ERAP1: variants seen among roughly 807,000 people sequenced by gnomAD.
ERAP1 encodes the protein adipocyte-derived leucine aminopeptidase.
Under a neutral mutation model 103.7 loss-of-function variants are expected in ERAP1, and 86 were observed. That is an observed-to-expected ratio of 0.83 (90% confidence interval 0.70 to 0.99). The LOEUF (loss-of-function observed/expected upper bound fraction) is 0.99, where lower values mean the gene tolerates loss of function less well. Ranked by LOEUF, ERAP1 falls within the 50% of genes least tolerant of loss-of-function variation. The pLI is 0.00. For synonymous variants in ERAP1, 398 were observed against 402.4 expected (o/e 0.99, Z 0.13); for missense variants, 1,009 against 1,128.4 (o/e 0.89, Z 1.52).
rs1775006877 is a variant in ERAP1, at chr5:96,780,497, G to C, written c.2596C>G (p.Leu866Val). ...NWNKLVQKFE[L>V]GSSSIAHMVM... ...ATGTGGGCTATGGAAGATGAGCCAAGTTCAAACCTAGAGAGGGAAATATTC... is the reference window on the plus strand; with the variant it reads ...ATGTGGGCTATGGAAGATGAGCCAACTTCAAACCTAGAGAGGGAAATATTC... Residue 866 changes from leucine to valine, a missense_variant, in exon 18 of 19, where the codon CTT becomes GTT. By Grantham distance (32) the Leu-to-Val change is conservative (BLOSUM62 1). Coordinates refer to ENST00000443439, the MANE Select transcript of ERAP1 (RefSeq NM_001040458.3). 3.1e-6 allele frequency: 5 copies of C among 1,612,158 alleles called. No individual in the cohort carries two copies. Among genetic ancestry groups the C allele is most frequent in the Non-Finnish European group, 4.2e-6 (5 of 1,178,486 alleles).
chr5:96,884,079 T>A, the ERAP1 span: 921 of 585,340 alleles, frequency 1.6e-3, 6 homozygotes, highest in African/African-American at 0.017. Context: ...TCTATCTATC[T>A]ATCATCATAA....
chr5:96,886,543 G>A, the ERAP1 span: 5 of 875,262 alleles, frequency 5.7e-6, no homozygotes, highest in South Asian at 3.9e-5. Flanking sequence ...GGAGGTCATC[G>A]ATTGTCCTTC....
At chr5:96,886,145 T>C in the ERAP1 span, among the ~76,000 whole-genome samples, 1 of 152,236 alleles carries the variant, frequency 6.6e-6, no homozygotes, top group Admixed American at 6.5e-5. Context: ...TCAGAGTCTC[T>C]GTTTCCTCAC....
chr5:96,923,359 T>C, the ERAP1 span, among the ~76,000 whole-genome samples: 1 of 152,096 alleles, frequency 6.6e-6, no homozygotes, highest in African/African-American at 2.4e-5. Flanking sequence ...ACAGCAACAG[T>C]GCTGGCCTTG....
the ERAP1 span, among the ~76,000 whole-genome samples, chr5:96,911,885 A>AAAAAAAAAAAG: frequency 6.8e-6 from 1 of 146,168 alleles, no homozygotes; most frequent in African/African-American, 2.5e-5. Flanking sequence ...AAAAAAAGAA[A>AAAAAAAAAAAG]GAAAGAAAGA....
chr5:96,874,623 C>G, the ERAP1 span, among the ~76,000 whole-genome samples: 1 of 152,244 alleles, frequency 6.6e-6, no homozygotes, highest in African/African-American at 2.4e-5. Context: ...CTGAGGGACC[C>G]CATTCAGTCT....
chr5:96,856,346 A>T, the ERAP1 span, among the ~76,000 whole-genome samples: 2 of 33,382 alleles, frequency 6.0e-5, no homozygotes, highest in Admixed American at 3.9e-4. Context: ...AAAAAAAAAA[A>T]AAAATATATA....
chr5:96,922,961 T>C, the ERAP1 span, among the ~76,000 whole-genome samples: 1 of 38,072 alleles, frequency 2.6e-5, no homozygotes. Flanking sequence ...TATTTGGATG[T>C]TTTTTGTTTT....
chr5:96,905,944 ATTTTTT>A, the ERAP1 span, among the ~76,000 whole-genome samples: 6 of 139,622 alleles, frequency 4.3e-5, no homozygotes, highest in African/African-American at 1.6e-4. Flanking sequence ...TTTCTTTTTA[ATTTTTT>A]TTTTTTTTTG....
At position 96,800,965 on chromosome 5, in the gene ERAP1, G is replaced by T; in HGVS notation, c.560C>A (p.Ala187Asp). Residue 187 changes from alanine to aspartate, a missense_variant, in exon 3 of 19, where the codon GCT (alanine) becomes GAT (aspartate). Ala to Asp is a moderately radical substitution (Grantham distance 126). Coordinates refer to ENST00000443439, the MANE Select transcript of ERAP1 (RefSeq NM_001040458.3). Reference protein sequence around the residue: ...LASTQFEPTAARMAFPCFDEP... With the variant: ...LASTQFEPTADRMAFPCFDEP... ...ATCAAAGCAGGGAAAGGCCATTCTAGCTGCAGTGGGTTCAAATTGTGTTGA... is the reference window on the plus strand; with the variant it reads ...ATCAAAGCAGGGAAAGGCCATTCTATCTGCAGTGGGTTCAAATTGTGTTGA... 6.2e-7 allele frequency: 1 copy of T among 1,614,166 alleles called. No individual in the cohort carries two copies. Among genetic ancestry groups the T allele is most frequent in the African/African-American group, 1.3e-5 (1 of 75,048 alleles).
intron 1 of ERAP1, among the ~76,000 whole-genome samples, chr5:96,806,746 T>C (rs767305479): frequency 3.3e-5 from 5 of 151,062 alleles, no homozygotes; most frequent in Admixed American, 2.6e-4. Flanking sequence ...GGCACTATAG[T>C]ATATGAAATA....
the ERAP1 span, among the ~76,000 whole-genome samples, chr5:96,837,053 G>C: frequency 6.6e-6 from 1 of 152,142 alleles, no homozygotes; most frequent in African/African-American, 2.4e-5. Flanking sequence ...AAATTTGGGA[G>C]AGAAAATGAA....
chr5:96,797,042 G>A (rs1777419244), intron 4 of ERAP1, 133 bp downstream of exon 4: 1 of 1,012,884 alleles, frequency 9.9e-7, no homozygotes, highest in African/African-American at 1.6e-5. Context: ...TTCCACCTCA[G>A]CCTCCCAAAC....
the ERAP1 span, among the ~76,000 whole-genome samples, chr5:96,856,562 T>C: frequency 6.6e-6 from 1 of 151,760 alleles, no homozygotes; most frequent in African/African-American, 2.4e-5. Context: ...CTTAAGAACA[T>C]TTATGGAGCT....
the ERAP1 span, among the ~76,000 whole-genome samples, chr5:96,851,225 T>C: frequency 4.2e-4 from 64 of 152,306 alleles, no homozygotes; most frequent in Admixed American, 2.0e-3. Context: ...TGATAGTTGA[T>C]TATCTAAAAG....
chr5:96,786,502 A>G lies in ERAP1; in HGVS notation c.1727T>C (p.Met576Thr). 2 of 1,613,220 alleles carry G rather than the reference A, an allele frequency of 1.2e-6. No homozygotes were observed. The highest frequency in any genetic ancestry group is 2.2e-5 in the South Asian group (2 of 91,062). The part of the protein sequence containing the change: ...PLTFITSKSD[M>T]VHRFLLKTKT... ...TGTTTTTAGCAAAAATCGATGGACC[A>G]TGTCGGATTTGCTGGTGATGAATGT... Residue 576 changes from methionine (M) to threonine (T), a missense_variant, in exon 12 of 19, where the codon ATG becomes ACG. Around this residue, in one of 3 missense-constraint regions of ERAP1, gnomAD observed 611 missense variants for 651.7 expected, o/e 0.94. Transcript: ENST00000443439.
At chr5:96,883,998 A>T in the ERAP1 span, 16 of 1,446,500 alleles carry the variant, frequency 1.1e-5, no homozygotes, top group Non-Finnish European at 1.5e-5. Flanking sequence ...TTTGTTTTTT[A>T]AAATTGCTTT....
chr5:96,762,791 G>A (rs112514884), exon 20 of ERAP1: 95 of 252,820 alleles, frequency 3.8e-4, no homozygotes, highest in African/African-American at 2.1e-3. Context: ...GAATCGTCAT[G>A]TTTGAGCTTT....
the ERAP1 span, among the ~76,000 whole-genome samples, chr5:96,879,200 G>A: frequency 2.6e-5 from 4 of 152,056 alleles, no homozygotes; most frequent in East Asian, 7.7e-4. Flanking sequence ...CTCCTGCCTG[G>A]GCAACAGAGC....
Sources: allele counts gnomAD v4.1 joint callset (sites outside exome capture counted in the v4.1 genomes callset), GRCh38; gene constraint gnomAD v4.1.1; regional missense constraint gnomAD v4.1.1; transcripts MANE v1.5; gene names NCBI Gene and HGNC (gene_info 2026-07-23, HGNC 2026-07-21).